ANKRD6: variants seen among roughly 807,000 people sequenced by gnomAD.
The protein encoded by ANKRD6 is ankyrin repeat domain 6.
Under a neutral mutation model 82.3 loss-of-function variants are expected in ANKRD6, and 56 were observed. That is an observed-to-expected ratio of 0.68 (90% confidence interval 0.55 to 0.85). ANKRD6 has a LOEUF of 0.85. Among genes scored for constraint, ANKRD6 ranks in the 40% least tolerant of loss-of-function variants. The pLI is 0.00. For missense variants in ANKRD6, 852 were observed against 907.6 expected (o/e 0.94, Z 0.79); for synonymous variants, 347 against 352.1 (o/e 0.99, Z 0.16).
rs58643589 is a variant in ANKRD6, at chr6:89,541,387, C to CTTTTTTTTT, written c.-143-25432_-143-25424dup. 8.3e-4 allele frequency among the ~76,000 whole-genome samples: 53 copies of CTTTTTTTTT among 64,106 alleles called. 4 individuals are homozygous for CTTTTTTTTT. The highest frequency in any genetic ancestry group is 1.2e-3 in the Admixed American group (5 of 4,048). 42.1% of individuals were successfully genotyped at this position (64,106 alleles called of 152,430 possible). A position where few individuals can be genotyped will look rare whatever the true frequency, so the allele number is the denominator to read the frequency against. On this transcript the variant is annotated intron_variant, in intron 1 of 15. Transcript: ENST00000339746. ...TCTAGGTATTTAATTTTACGTGTGG[C>CTTTTTTTTT]TTTTTTTTTTTTTTTTTTTTTTTGA...
Position 89,624,131 on chromosome 6 carries a change from G to T in ANKRD6, c.1218+74G>T, listed in dbSNP as rs181107107. Reference sequence around the variant, plus strand: ...GGTTTTTGTTTAACGGCATTCCTGGGGGCTGATAGGCACTTTAGGCATTGA... The same window carrying T: ...GGTTTTTGTTTAACGGCATTCCTGGTGGCTGATAGGCACTTTAGGCATTGA... On this transcript the variant is annotated intron_variant, in intron 12 of 15. Transcript: ENST00000339746. The T allele has an allele frequency of 2.8e-6, 4 of 1,453,768 alleles. No homozygotes were observed. The African/African-American group carries it at 4.3e-5, about 15-fold the overall frequency. The allele number at this position is 1,453,768 out of a possible 1,614,324, so 90.1% of individuals were successfully genotyped here. A position where few individuals can be genotyped will look rare whatever the true frequency, so the allele number is the denominator to read the frequency against.
chr6:89,444,999 G>A (rs1228802150), intron 1 of ANKRD6, among the ~76,000 whole-genome samples: 1 of 151,992 alleles, frequency 6.6e-6, no homozygotes, highest in Non-Finnish European at 1.5e-5. Context: ...GACTATCAAA[G>A]GATTCCTTTA....
At chr6:89,484,278 A>G (rs1777119025) in intron 1 of ANKRD6, among the ~76,000 whole-genome samples, 4 of 152,284 alleles carry the variant, frequency 2.6e-5, no homozygotes, top group South Asian at 4.1e-4. Flanking sequence ...CAATATGTGA[A>G]TTGTGAAATA....
chr6:89,515,151 A>T (rs1781052372), intron 1 of ANKRD6, among the ~76,000 whole-genome samples: 1 of 152,172 alleles, frequency 6.6e-6, no homozygotes, highest in South Asian at 2.1e-4. Flanking sequence ...ATTTGAATTG[A>T]TTCTGAGCTG....
intron 1 of ANKRD6, among the ~76,000 whole-genome samples, chr6:89,542,113 G>T (rs1190232195): frequency 6.6e-6 from 1 of 151,896 alleles, no homozygotes; most frequent in African/African-American, 2.4e-5. Context: ...TTTTAAAATA[G>T]TGACAGGTTA....
At chr6:89,496,414 T>G (rs1778627046) in intron 1 of ANKRD6, among the ~76,000 whole-genome samples, 1 of 152,196 alleles carries the variant, frequency 6.6e-6, no homozygotes, top group Non-Finnish European at 1.5e-5. Context: ...CACAGAGATG[T>G]GGGCAGAGAT....
At chr6:89,434,989 A>T (rs1406468466) in intron 1 of ANKRD6, among the ~76,000 whole-genome samples, 1 of 152,106 alleles carries the variant, frequency 6.6e-6, no homozygotes, top group African/African-American at 2.4e-5. Context: ...TAAAAATGTG[A>T]ATTTATTAAC....
chr6:89,605,952 T>G, intron 4 of ANKRD6, 55 bp from the exon 5 acceptor site: 204 of 1,310,554 alleles, frequency 1.6e-4, no homozygotes, highest in Non-Finnish European at 1.9e-4. Context: ...TTGATCATAA[T>G]GAGAAGAATT....
At chr6:89,617,082 T>C (rs1209609248) in intron 8 of ANKRD6, 4 of 384,980 alleles carry the variant, frequency 1.0e-5, no homozygotes, top group Admixed American at 5.9e-5. Flanking sequence ...ACTGTTTCCC[T>C]TTCCCTCTCC....
At chr6:89,540,126 T>C (rs979299898) in intron 1 of ANKRD6, among the ~76,000 whole-genome samples, 1 of 152,210 alleles carries the variant, frequency 6.6e-6, no homozygotes, top group Non-Finnish European at 1.5e-5. Context: ...TACACTGGTT[T>C]CCTTTCTTTT....
intron 2 of ANKRD6, among the ~76,000 whole-genome samples, chr6:89,585,638 A>T (rs1256786331): frequency 6.6e-6 from 1 of 152,180 alleles, no homozygotes; most frequent in African/African-American, 2.4e-5. Flanking sequence ...GCCAGATGTG[A>T]TGGCTCACGC....
chr6:89,588,352 C>CT (rs1227130903), intron 2 of ANKRD6, among the ~76,000 whole-genome samples: 6 of 152,174 alleles, frequency 3.9e-5, no homozygotes, highest in African/African-American at 1.4e-4. Flanking sequence ...CCTACTACCT[C>CT]TCTCTTAATG....
rs16881983 is a variant in ANKRD6 at position 89,606,052 on chromosome 6, C to T, written c.364C>T (p.Gln122Ter). The T allele has an allele frequency of 1.0e-5, 16 of 1,596,098 alleles. No individual in the cohort carries two copies. The highest frequency in any genetic ancestry group is 1.3e-5 in the African/African-American group (1 of 74,744). Residue 122 changes from glutamine (Q) to a stop codon, truncating the protein, a stop_gained, in exon 5 of 16, where the codon CAG (glutamine) becomes TAG (stop). Transcript: ENST00000339746. LOFTEE classifies it high-confidence loss of function. ...TGAAGCATCCTGGCATGGTTTCAGC[C>T]AGTCAGCCAAGCTGCTCATTAAAGC... is the stretch of plus-strand genomic sequence containing the variant. ...LHEASWHGFSQSAKLLIKAGA... is the reference protein window; with the variant it reads ...LHEASWHGFS
At chr6:89,464,688 T>A (rs1774617502) in intron 1 of ANKRD6, among the ~76,000 whole-genome samples, 1 of 152,264 alleles carries the variant, frequency 6.6e-6, no homozygotes, top group Admixed American at 6.5e-5. Context: ...CATTTCTATT[T>A]GGAAGTAAAA....
chr6:89,461,374 G>A (rs964201493), intron 1 of ANKRD6, among the ~76,000 whole-genome samples: 3 of 152,144 alleles, frequency 2.0e-5, no homozygotes, highest in Admixed American at 6.6e-5. Context: ...ATTAGTTGAT[G>A]GGAGAGAATA....
intron 1 of ANKRD6, among the ~76,000 whole-genome samples, chr6:89,544,542 A>G (rs544656398): frequency 1.5e-4 from 22 of 151,520 alleles, no homozygotes; most frequent in Non-Finnish European, 2.2e-4. Context: ...GTGAAACCCC[A>G]TCGCTACTAA....
intron 5 of ANKRD6, among the ~76,000 whole-genome samples, chr6:89,609,106 A>G (rs1799538576): frequency 6.6e-6 from 1 of 152,184 alleles, no homozygotes. Flanking sequence ...TTGGCACCGC[A>G]TGCAGCTTTG....
Position 89,599,534 on chromosome 6 carries a change from T to G in ANKRD6, c.220-3495T>G, listed in dbSNP as rs1329864403. On this transcript the variant is annotated intron_variant, in intron 3 of 15. Coordinates refer to ENST00000339746, the MANE Select transcript of ANKRD6 (RefSeq NM_001242809.2). ...ACTTGTATGTATTGAGGCCACATCT[T>G]GTTTCTTCGTGTCATTTCAAGGAGG... 1.3e-5 allele frequency among the ~76,000 whole-genome samples: 2 copies of G among 152,210 alleles called. 1 individual carries two copies. Among genetic ancestry groups the G allele is most frequent in the South Asian group, 4.1e-4 (2 of 4,836 alleles).
At chr6:89,586,369 T>C (rs993983514) in intron 2 of ANKRD6, among the ~76,000 whole-genome samples, 14 of 152,318 alleles carry the variant, frequency 9.2e-5, no homozygotes, top group African/African-American at 3.4e-4. Flanking sequence ...CCTACCGTGC[T>C]GTGCTCTGTC....
Sources: allele counts gnomAD v4.1 joint callset (sites outside exome capture counted in the v4.1 genomes callset), GRCh38; gene constraint gnomAD v4.1.1; transcripts MANE v1.5; gene names NCBI Gene and HGNC (gene_info 2026-07-23, HGNC 2026-07-21).